Variants in BCAS3 observed in about 807,000 individuals in gnomAD.
BCAS3 encodes BCAS4/BCAS3 fusion.
In BCAS3, 53 loss-of-function variants were observed where a neutral mutation model predicts 116.1. The ratio of observed to expected loss-of-function variants is 0.46; its 90% CI spans 0.37 to 0.57. The LOEUF is 0.57. Ranked by LOEUF, BCAS3 falls within the 20% of genes least tolerant of loss-of-function variation. The pLI is 0.00. For synonymous variants in BCAS3, 391 were observed against 408.2 expected, an observed-to-expected ratio of 0.96 and a Z score of 0.51; for missense variants, 917 against 1,165.4, an observed-to-expected ratio of 0.79 and a Z score of 3.10.
chr17:60,923,838 A>G (rs2059227408), intron 12 of BCAS3, among the ~76,000 whole-genome samples: 1 of 152,204 alleles, frequency 6.6e-6, no homozygotes, highest in African/African-American at 2.4e-5. Flanking sequence ...TTATGATTTC[A>G]TAGTCATTTC....
intron 22 of BCAS3, among the ~76,000 whole-genome samples, chr17:61,290,698 C>G (rs1197053849): frequency 6.6e-6 from 1 of 152,042 alleles, no homozygotes; most frequent in Non-Finnish European, 1.5e-5. Flanking sequence ...AGAATTGTTC[C>G]AGGAAGGTAG....
At chr17:60,682,769 G>T (rs1257419799) in intron 2 of BCAS3, among the ~76,000 whole-genome samples, 1 of 152,066 alleles carries the variant, frequency 6.6e-6, no homozygotes, top group Non-Finnish European at 1.5e-5. Flanking sequence ...TGATCCACTC[G>T]CCTCGGCCTC....
chr17:60,723,334 T>C (rs113685697), intron 5 of BCAS3, among the ~76,000 whole-genome samples: 4,737 of 152,082 alleles, frequency 0.031, 236 homozygotes, highest in African/African-American at 0.1. Flanking sequence ...AAGCAATTCT[T>C]CTGCCTCAGC....
intron 16 of BCAS3, among the ~76,000 whole-genome samples, chr17:61,018,296 T>G (rs1451047159): frequency 8.4e-5 from 10 of 119,356 alleles, no homozygotes; most frequent in African/African-American, 4.7e-4. Context: ...CCCAGTTTTT[T>G]TTTTTTTTTT....
In BCAS3 at chr17:61,180,110, G is replaced by T. The variant is rs926428975; in HGVS notation, c.2425+95546G>T. The stretch of plus-strand genomic sequence containing the variant: ...TAATTCCTGGTATTGAGATATTTTG[G>T]AGTCCGAGACCAGATTGAGTGCACC... On this transcript the variant is annotated intron_variant, in intron 22 of 23. Coordinates refer to ENST00000407086, the MANE Select transcript of BCAS3 (RefSeq NM_017679.5). The surrounding 1 kb of genome is among the most constrained non-coding windows in gnomAD (Gnocchi z 6.0). Among the ~76,000 whole-genome samples the T allele has an allele frequency of 1.3e-5, 2 of 152,036 alleles. No individual in the cohort carries two copies. Among genetic ancestry groups the T allele is most frequent in the Non-Finnish European group, 2.9e-5 (2 of 67,996 alleles).
chr17:61,301,588 G>A (rs181160858), intron 22 of BCAS3, among the ~76,000 whole-genome samples: 61 of 152,278 alleles, frequency 4.0e-4, no homozygotes, highest in African/African-American at 1.4e-3. Flanking sequence ...AATGAGCCGA[G>A]ATTGCACCAT....
chr17:60,749,698 T>C (rs542609428), intron 6 of BCAS3, among the ~76,000 whole-genome samples: 49 of 152,354 alleles, frequency 3.2e-4, no homozygotes, highest in Non-Finnish European at 5.7e-4. Context: ...TCTTATCCTA[T>C]ACTTCTCATA....
rs532508760 is a variant in BCAS3 at position 60,686,648 on chromosome 17, C to G, written c.138+2612C>G. Among the ~76,000 whole-genome samples, 7 of 152,176 alleles carry G rather than the reference C, an allele frequency of 4.6e-5. No homozygotes were observed. In the South Asian group the frequency reaches 1.2e-3, roughly 27 times the overall value. On this transcript the variant is annotated intron_variant, in intron 3 of 23. Coordinates refer to ENST00000407086, the MANE Select transcript of BCAS3 (RefSeq NM_017679.5). ...TCAAGCGATTCTCCTGCCTCAGCCT[C>G]CTGAGTAGCTGGGATTGCAGGCATG...
At chr17:61,296,982 C>G (rs2052976667) in intron 22 of BCAS3, among the ~76,000 whole-genome samples, 2 of 152,176 alleles carry the variant, frequency 1.3e-5, no homozygotes, top group African/African-American at 4.8e-5. Flanking sequence ...ATATGATCAA[C>G]ACGTGTTTCG....
rs1318623449 is a variant in BCAS3, at chr17:61,228,312, T to TAA, written c.2426-140015_2426-140014insAA. ...ACATCAAAATCTATTACCAGAAAAG[T>TAA]TGCCTTACCAGGAAACCGTAATTTA... On this transcript the variant is annotated intron_variant, in intron 22 of 23. Transcript: ENST00000407086. The surrounding 1 kb of genome is among the most constrained non-coding windows in gnomAD (Gnocchi z 5.0). Among the ~76,000 whole-genome samples the TAA allele has an allele frequency of 5.8e-3, 889 of 152,284 alleles. 5 individuals are homozygous for TAA. Among genetic ancestry groups the TAA allele is most frequent in the Middle Eastern group, 0.02 (6 of 294 alleles).
chr17:61,368,098 T>C lies in BCAS3; in HGVS notation c.2426-229T>C, dbSNP rs1193078819. Reference sequence around the variant, plus strand: ...GAACCCTGTAGCTCCTCAGAAACAGTTGTAAAACCACCAGCCTCAGTGTCA... The same window carrying C: ...GAACCCTGTAGCTCCTCAGAAACAGCTGTAAAACCACCAGCCTCAGTGTCA... On this transcript the variant is annotated intron_variant, in intron 22 of 23. Transcript: ENST00000407086. The surrounding 1 kb of genome is among the most constrained non-coding windows in gnomAD (Gnocchi z 6.0). 5 of 400,248 alleles carry C rather than the reference T, an allele frequency of 1.2e-5. No homozygotes were observed. The highest frequency in any genetic ancestry group is 2.2e-5 in the Non-Finnish European group (5 of 226,258). The allele number at this position is 400,248 out of a possible 1,614,324, so 24.8% of individuals were successfully genotyped here.
In BCAS3 at chr17:60,924,123, T is replaced by A. The variant is rs989614964; in HGVS notation, c.994-284T>A. Among the ~76,000 whole-genome samples, 8 of 152,184 alleles carry A rather than the reference T, an allele frequency of 5.3e-5. No homozygotes were observed. The East Asian group carries it at 1.2e-3, about 22-fold the overall frequency. On this transcript the variant is annotated intron_variant, in intron 12 of 23. Coordinates refer to ENST00000407086, the MANE Select transcript of BCAS3 (RefSeq NM_017679.5). ...GAATTGAAAATAGTTGATTGTATCA[T>A]TTTTTTTCCTCTGAACCTATACTTG...
intron 3 of BCAS3, among the ~76,000 whole-genome samples, chr17:60,687,310 G>T (rs941370069): frequency 6.6e-6 from 1 of 152,110 alleles, no homozygotes; most frequent in South Asian, 2.1e-4. Flanking sequence ...CCTCTATAAA[G>T]ACATCAGGTG....
intron 22 of BCAS3, among the ~76,000 whole-genome samples, chr17:61,201,834 C>T (rs919252527): frequency 2.0e-5 from 3 of 150,948 alleles, no homozygotes; most frequent in Non-Finnish European, 2.9e-5. Flanking sequence ...TCTCGGCTCA[C>T]TGCAACCTCC....
intron 22 of BCAS3, among the ~76,000 whole-genome samples, chr17:61,238,678 G>A (rs1400778976): frequency 6.6e-6 from 1 of 152,128 alleles, no homozygotes; most frequent in Non-Finnish European, 1.5e-5. Flanking sequence ...TACCATTGGT[G>A]TATGGCTCTC....
chr17:60,981,601 T>C (rs536407441), intron 14 of BCAS3, among the ~76,000 whole-genome samples: 2 of 152,282 alleles, frequency 1.3e-5, no homozygotes, highest in South Asian at 4.1e-4. Context: ...GATAGCAGTA[T>C]GTTGATAGCA....
chr17:60,940,828 G>A (rs2060185319), intron 13 of BCAS3, among the ~76,000 whole-genome samples: 1 of 152,108 alleles, frequency 6.6e-6, no homozygotes, highest in African/African-American at 2.4e-5. Flanking sequence ...GTTCACATGT[G>A]TGTATATGAT....
At position 61,244,871 on chromosome 17, in the gene BCAS3, TAAATA is replaced by T. The variant is rs2047810672; in HGVS notation, c.2426-123453_2426-123449del. Among the ~76,000 whole-genome samples, 1 of 151,952 alleles carries T rather than the reference TAAATA, an allele frequency of 6.6e-6. No homozygotes were observed. The highest frequency in any genetic ancestry group is 2.4e-5 in the African/African-American group (1 of 41,382). ...GAGTGAGACTCCGTCTCAAAAAAAA[TAAATA>T]AATAAAAAAGGATATATAGGGAAGG... On this transcript the variant is annotated intron_variant, in intron 22 of 23. Coordinates refer to ENST00000407086, the MANE Select transcript of BCAS3 (RefSeq NM_017679.5). The surrounding 1 kb of genome is among the most constrained non-coding windows in gnomAD (Gnocchi z 4.9).
rs1053080113 is a variant in BCAS3 at position 61,286,338 on chromosome 17, G to C, written c.2426-81989G>C. Among the ~76,000 whole-genome samples, 1 of 152,210 alleles carries C rather than the reference G, an allele frequency of 6.6e-6. No homozygotes were observed. Among genetic ancestry groups the C allele is most frequent in the Non-Finnish European group, 1.5e-5 (1 of 68,036 alleles). ...GTTATCGTGAGCAGATGAAGCAGAG[G>C]TTGCTGGGTTTATACTGATGTCTGC... On this transcript the variant is annotated intron_variant, in intron 22 of 23. Transcript: ENST00000407086. This position sits in a 1 kb window ranked among gnomAD's most constrained non-coding sequence, Gnocchi z 4.8.
Sources: gnomAD v4.1 joint callset for allele counts (sites outside exome capture counted in the v4.1 genomes callset) on GRCh38, gnomAD v4.1.1 for gene constraint, Gnocchi (gnomAD v3.1) non-coding constraint, MANE v1.5 for transcripts, NCBI Gene and HGNC (gene_info 2026-07-23, HGNC 2026-07-21) for gene names.